ABR: variants seen among roughly 807,000 people sequenced by gnomAD.
ABR encodes active breakpoint cluster region-related protein.
In ABR, 35 loss-of-function variants were observed where a neutral mutation model predicts 107.2. That is an observed-to-expected ratio of 0.33 (90% CI 0.25 to 0.43). ABR has a LOEUF of 0.43. Among genes scored for constraint, ABR ranks in the 20% least tolerant of loss-of-function variants. ABR has a pLI of 1.00. For synonymous variants in ABR, 498 were observed against 462.0 expected, an observed-to-expected ratio of 1.08 and a Z score of -1.00; for missense variants, 815 against 1,115.2, an observed-to-expected ratio of 0.73 and a Z score of 3.83.
chr17:1,012,781 G>GA lies in ABR; in HGVS notation c.1867dup (p.Ser623PhefsTer80). 6.3e-7 allele frequency: 1 copy of GA among 1,588,234 alleles called. No homozygotes were observed. The highest frequency in any genetic ancestry group is 8.6e-7 in the Non-Finnish European group (1 of 1,166,378). ...CATATCTCGGCTGGTGAATTTCATGGAAAATTCCACTTTGATCTGGTTGGG... is the reference window on the plus strand; with the variant it reads ...CATATCTCGGCTGGTGAATTTCATGGAAAAATTCCACTTTGATCTGGTTGGG... On this transcript the variant is annotated frameshift_variant, in exon 18 of 23. Transcript: ENST00000302538. LOFTEE classifies it high-confidence loss of function.
At chr17:1,073,725 C>A in intron 6 of ABR, 48 bp from the exon 7 acceptor site, 1 of 1,521,158 alleles carries the variant, frequency 6.6e-7, no homozygotes, top group Admixed American at 1.9e-5. Flanking sequence ...TGGACGAGGG[C>A]AACCCAACAC....
upstream of ABR, among the ~76,000 whole-genome samples, chr17:1,184,370 G>A (rs2042227524): frequency 1.3e-5 from 2 of 151,982 alleles, no homozygotes; most frequent in South Asian, 4.2e-4. Flanking sequence ...CGAGAGAATG[G>A]TGTGAACCTG....
chr17:1,049,318 C>A (rs1022892915), intron 16 of ABR, among the ~76,000 whole-genome samples: 8 of 152,136 alleles, frequency 5.3e-5, no homozygotes, highest in African/African-American at 1.9e-4. Context: ...CAGGCGCCCG[C>A]CACCACGACC....
At chr17:1,014,367 G>A (rs2070954871) in intron 16 of ABR, among the ~76,000 whole-genome samples, 1 of 135,134 alleles carries the variant, frequency 7.4e-6, no homozygotes, top group East Asian at 2.4e-4. Flanking sequence ...CGTGAACCCG[G>A]GAGGCAGAGC....
chr17:1,177,643 G>A (rs1395028377), intron 1 of ABR, among the ~76,000 whole-genome samples: 2 of 152,160 alleles, frequency 1.3e-5, no homozygotes, highest in African/African-American at 4.8e-5. Flanking sequence ...CTGCTGCAGA[G>A]AAAGCTAGAG....
intron 1 of ABR, among the ~76,000 whole-genome samples, chr17:1,221,818 G>T (rs2043125237): frequency 6.6e-6 from 1 of 152,224 alleles, no homozygotes; most frequent in African/African-American, 2.4e-5. Flanking sequence ...GCTTGACGGG[G>T]AAGCATCAGG....
chr17:1,050,641 G>C lies in ABR; in HGVS notation c.1562-7C>G, dbSNP rs752658515. 1.9e-6 allele frequency: 3 copies of C among 1,612,008 alleles called. No homozygotes were observed. Among genetic ancestry groups the C allele is most frequent in the Admixed American group, 3.3e-5 (2 of 60,002 alleles). ...TCCAGGGTACAGTACAGGTCTGTGGGGGAAGGACAGACGGAGATACTGAGT... is the reference window on the plus strand; with the variant it reads ...TCCAGGGTACAGTACAGGTCTGTGGCGGAAGGACAGACGGAGATACTGAGT... On this transcript the variant is annotated splice_polypyrimidine_tract_variant and splice_region_variant and intron_variant, in intron 14 of 22. Coordinates refer to ENST00000302538, the MANE Select transcript of ABR (RefSeq NM_021962.5). The surrounding 1 kb of genome is among the most constrained non-coding windows in gnomAD (Gnocchi z 4.6).
intron 16 of ABR, among the ~76,000 whole-genome samples, chr17:1,040,192 CCCCAGGA>C (rs1213707195): frequency 6.6e-6 from 1 of 152,118 alleles, no homozygotes; most frequent in Non-Finnish European, 1.5e-5. Flanking sequence ...AACCCAGGGC[CCCCAGGA>C]CGCACGCGCA....
intron 5 of ABR, chr17:1,083,123 C>CAA (rs71148427): frequency 5.7e-4 from 37 of 65,422 alleles, no homozygotes; most frequent in African/African-American, 8.7e-4. Context: ...GACTCTGTCT[C>CAA]AAAAAAAAAA....
chr17:1,012,585 A>G (rs1244422723), intron 18 of ABR, 103 bp downstream of exon 18: 1 of 842,448 alleles, frequency 1.2e-6, no homozygotes, highest in East Asian at 2.7e-5. Context: ...GGGGTAACTG[A>G]TTAGGTGCCA....
chr17:1,073,203 A>AG, intron 7 of ABR, among the ~76,000 whole-genome samples: 1 of 149,856 alleles, frequency 6.7e-6, no homozygotes, highest in African/African-American at 2.5e-5. Flanking sequence ...AAAAAAAAAA[A>AG]TCAGAGCCAG....
In ABR at chr17:1,054,534, ACAAAGAACCTGAGGGGACG is replaced by A. The variant is rs1247944135; in HGVS notation, c.1561+1482_1561+1500del. ...ACAAGGAACCTCAGGGGATGGGGGCACAAAGAACCTGAGGGGACGGGGGCACAAAGAACCTGAGGGGATG... is the reference window on the plus strand; with the variant it reads ...ACAAGGAACCTCAGGGGATGGGGGCAGGGGCACAAAGAACCTGAGGGGATG... On this transcript the variant is annotated intron_variant, in intron 14 of 22. Coordinates refer to ENST00000302538, the MANE Select transcript of ABR (RefSeq NM_021962.5). 7.6e-3 allele frequency among the ~76,000 whole-genome samples: 88 copies of A among 11,560 alleles called. 2 individuals carry two copies. Among genetic ancestry groups the A allele is most frequent in the Non-Finnish European group, 0.01 (54 of 5,186 alleles). 7.6% of individuals were successfully genotyped at this position (11,560 alleles called of 152,430 possible).
intron 1 of ABR, among the ~76,000 whole-genome samples, chr17:1,178,559 C>A (rs1236460775): frequency 2.5e-5 from 2 of 80,500 alleles, no homozygotes; most frequent in Non-Finnish European, 5.8e-5. Flanking sequence ...GCCGAGACTC[C>A]GTCTCAAAAA....
At chr17:1,016,317 CTTT>C (rs151002591) in intron 16 of ABR, among the ~76,000 whole-genome samples, 6 of 134,896 alleles carry the variant, frequency 4.4e-5, no homozygotes, top group Non-Finnish European at 3.2e-5. Context: ...CCCAACGTTT[CTTT>C]TTTTTTTTTT....
At chr17:1,193,355 A>C (rs1311260667) in intron 1 of ABR, among the ~76,000 whole-genome samples, 2 of 148,962 alleles carry the variant, frequency 1.3e-5, no homozygotes, top group African/African-American at 4.9e-5. Context: ...ACGTGTCCCG[A>C]GCATCGCCAG....
At chr17:1,184,608 G>A (rs147022351), upstream of ABR, among the ~76,000 whole-genome samples, 3 of 152,118 alleles carry the variant, frequency 2.0e-5, no homozygotes, top group East Asian at 1.9e-4. Context: ...CCAGCAGATC[G>A]GCATTCAATA....
At chr17:1,175,029 AAAAATAAAAAAAT>A (rs1226769147) in intron 1 of ABR, among the ~76,000 whole-genome samples, 11 of 152,282 alleles carry the variant, frequency 7.2e-5, no homozygotes, top group South Asian at 6.2e-4. Flanking sequence ...TTGGGAAAAT[AAAAATAAAAAAAT>A]AAAATAAAAA....
chr17:1,093,056 C>G (rs565175120), intron 3 of ABR, among the ~76,000 whole-genome samples: 31 of 151,982 alleles, frequency 2.0e-4, no homozygotes, highest in African/African-American at 7.0e-4. Context: ...CTCCTGACCT[C>G]GTGATCCACC....
intron 4 of ABR, among the ~76,000 whole-genome samples, chr17:1,086,423 T>C (rs916211872): frequency 6.6e-6 from 1 of 152,194 alleles, no homozygotes; most frequent in Non-Finnish European, 1.5e-5. Context: ...TGGGTTGAAC[T>C]GTAAAATACG....
Sources: gnomAD v4.1 joint callset for allele counts (sites outside exome capture counted in the v4.1 genomes callset) on GRCh38, gnomAD v4.1.1 for gene constraint, Gnocchi (gnomAD v3.1) non-coding constraint, MANE v1.5 for transcripts, NCBI Gene and HGNC (gene_info 2026-07-23, HGNC 2026-07-21) for gene names.